The following MPRIP variants were observed in gnomAD, a reference collection of about 807,000 sequenced individuals.
MPRIP encodes the protein myosin phosphatase Rho-interacting protein.
MPRIP carries 59 observed loss-of-function variants against 234.9 expected under a neutral mutation model. The ratio of observed to expected loss-of-function variants is 0.25; its 90% CI spans 0.20 to 0.31. The LOEUF (loss-of-function observed/expected upper bound fraction) is 0.31, where lower values mean the gene tolerates loss of function less well. Among genes scored for constraint, MPRIP ranks in the 10% least tolerant of loss-of-function variants. The pLI, the probability that MPRIP is intolerant of heterozygous loss-of-function variation, is 1.00. For missense variants in MPRIP, 2,436 were observed against 3,071.0 expected (o/e 0.79, Z 4.89); for synonymous variants, 1,144 against 1,263.9 (o/e 0.91, Z 2.01).
chr17:17,117,079 C>T (rs951500038), intron 3 of MPRIP, among the ~76,000 whole-genome samples: 6 of 152,188 alleles, frequency 3.9e-5, no homozygotes, highest in Non-Finnish European at 7.3e-5. Flanking sequence ...TCCACTGAGC[C>T]CTGCCTCTCT....
At chr17:17,130,621 G>T (rs1466699654) in intron 4 of MPRIP, among the ~76,000 whole-genome samples, 1 of 152,078 alleles carries the variant, frequency 6.6e-6, no homozygotes, top group Non-Finnish European at 1.5e-5. Flanking sequence ...AGCAGGCCCA[G>T]CGTGGACCCT....
intron 3 of MPRIP, among the ~76,000 whole-genome samples, chr17:17,094,665 C>T (rs895719642): frequency 2.0e-5 from 3 of 149,872 alleles, no homozygotes; most frequent in African/African-American, 7.4e-5. Flanking sequence ...CACCCAGGTA[C>T]AGTAGCACAA....
At position 17,167,355 on chromosome 17, in the gene MPRIP, C is replaced by G; in HGVS notation, c.5764C>G (p.Gln1922Glu). 2.3e-6 allele frequency: 3 copies of G among 1,304,198 alleles called. No homozygotes were observed. The highest frequency in any genetic ancestry group is 3.0e-6 in the Non-Finnish European group (3 of 988,962). 80.8% of individuals were successfully genotyped at this position (1,304,198 alleles called of 1,614,324 possible). The change falls in exon 16 of 24, where the codon CAG becomes GAG. Residue 1922 changes from glutamine to glutamate, a missense_variant. By Grantham distance (29) the Gln-to-Glu change is conservative (BLOSUM62 2). Coordinates refer to ENST00000651222, the MANE Select transcript of MPRIP (RefSeq NM_001364716.4). The surrounding 1 kb of genome is among the most constrained non-coding windows in gnomAD (Gnocchi z 5.9). ...TGCAGAGCTCAAGGCCAAGGCCGCC[C>G]AGCTAGACCATCAGCAGCAGTGTCT... ...ENAELKAKAAQLDHQQQCLED... is the reference protein window; with the variant it reads ...ENAELKAKAAELDHQQQCLED...
At position 17,166,888 on chromosome 17, in the gene MPRIP, A is replaced by G. The variant is rs1767092861; in HGVS notation, c.5297A>G (p.Asp1766Gly). Reference sequence around the variant, plus strand: ...TCAGACAGCTCTCAGGAGCCCTTCGATGTGTCTGACCAGAGCCCTGGGGCC... The same window carrying G: ...TCAGACAGCTCTCAGGAGCCCTTCGGTGTGTCTGACCAGAGCCCTGGGGCC... ...RDSDSSQEPF[D>G]VSDQSPGAFV... The change falls in exon 16 of 24, where the codon GAT (aspartate) becomes GGT (glycine). Residue 1766 changes from aspartate (D) to glycine (G), a missense_variant. Coordinates refer to ENST00000651222, the MANE Select transcript of MPRIP (RefSeq NM_001364716.4). This position sits in a 1 kb window ranked among gnomAD's most constrained non-coding sequence, Gnocchi z 4.4. The G allele has an allele frequency of 1.5e-6, 2 of 1,304,142 alleles. No homozygotes were observed. Among genetic ancestry groups the G allele is most frequent in the African/African-American group, 1.5e-5 (1 of 65,976 alleles). 80.8% of individuals were successfully genotyped at this position (1,304,142 alleles called of 1,614,324 possible). A position where few individuals can be genotyped will look rare whatever the true frequency, so the allele number is the denominator to read the frequency against.
Position 17,164,590 on chromosome 17 carries a change from T to C in MPRIP, c.2999T>C (p.Leu1000Pro), listed in dbSNP as rs974782296. 2.5e-6 allele frequency: 3 copies of C among 1,211,842 alleles called. No individual in the cohort carries two copies. The African/African-American group carries it at 4.8e-5, about 19-fold the overall frequency. The allele number at this position is 1,211,842 out of a possible 1,614,324, so 75.1% of individuals were successfully genotyped here. The change falls in exon 16 of 24, where the codon CTC becomes CCC. Residue 1000 changes from leucine (L) to proline (P), a missense_variant. Transcript: ENST00000651222. ...AGGCTGCAGGAGCGCATTGCCGACC[T>C]CAGCCAGCAACTGGGCGCCAGTGAG... ...VQRLQERIAD[L>P]SQQLGASEQA... is the part of the protein sequence containing the mutation.
intron 3 of MPRIP, chr17:17,097,382 CTG>C (rs1453797721): frequency 1.3e-5 from 2 of 152,458 alleles, no homozygotes; most frequent in Non-Finnish European, 2.9e-5. Flanking sequence ...AATCCCAACA[CTG>C]TGGTAGGCCA....
chr17:17,177,445 G>C (rs895355898), intron 22 of MPRIP, 33 bp downstream of exon 22: 1 of 1,601,490 alleles, frequency 6.2e-7, no homozygotes, highest in Non-Finnish European at 8.5e-7. Context: ...CTCGGTTATT[G>C]CTGGGGGGCT....
At chr17:17,048,540 C>G (rs1406935764) in intron 1 of MPRIP, among the ~76,000 whole-genome samples, 1 of 152,084 alleles carries the variant, frequency 6.6e-6, no homozygotes, top group African/African-American at 2.4e-5. Flanking sequence ...TGTCAAAAAT[C>G]TCAGACACAC....
rs943303800 is a variant in MPRIP, at chr17:17,158,557, G to A, written c.1955G>A (p.Arg652Gln). 3.7e-6 allele frequency: 6 copies of A among 1,611,346 alleles called. No individual in the cohort carries two copies. Among genetic ancestry groups the A allele is most frequent in the Non-Finnish European group, 4.2e-6 (5 of 1,179,768 alleles). ...PEQKRSRARERRREGRSKTFD... is the reference protein window; with the variant it reads ...PEQKRSRAREQRREGRSKTFD... ...CAGAAGAGGAGCCGCGCACGGGAGC[G>A]GAGGCGAGAGGGCCGCTCCAAGACC... The change falls in exon 14 of 24, where the codon CGG becomes CAG. Residue 652 changes from arginine (R) to glutamine (Q), a missense_variant. Arg to Gln is a conservative substitution (Grantham distance 43). Coordinates refer to ENST00000651222, the MANE Select transcript of MPRIP (RefSeq NM_001364716.4).
At chr17:17,099,553 G>A (rs938842176) in intron 3 of MPRIP, among the ~76,000 whole-genome samples, 3 of 152,106 alleles carry the variant, frequency 2.0e-5, no homozygotes, top group African/African-American at 4.8e-5. Flanking sequence ...TAGCAAGACC[G>A]CTGTCTCTAC....
Position 17,113,503 on chromosome 17 carries a change from G to C in MPRIP, c.268-13199G>C, listed in dbSNP as rs183613913. On this transcript the variant is annotated intron_variant, in intron 3 of 23. Transcript: ENST00000651222. ...TTCCTTTTTATGGCTGAATTATATG[G>C]CAGTGTATATACATACTACATTTTG... 2.1e-3 allele frequency among the ~76,000 whole-genome samples: 320 copies of C among 152,268 alleles called. 4 individuals are homozygous for C. Among genetic ancestry groups the C allele is most frequent in the Admixed American group, 0.02 (304 of 15,300 alleles).
intron 3 of MPRIP, among the ~76,000 whole-genome samples, chr17:17,117,231 C>G (rs540222563): frequency 6.6e-6 from 1 of 152,240 alleles, no homozygotes; most frequent in African/African-American, 2.4e-5. Context: ...AAGCAGCAGG[C>G]GGCACGGGTG....
At chr17:17,161,482 C>A in intron 15 of MPRIP, 126 bp downstream of exon 15, 1 of 557,778 alleles carries the variant, frequency 1.8e-6, no homozygotes, top group Non-Finnish European at 3.1e-6. Context: ...GAGCTCATGC[C>A]CCTGGGCTTT....
intron 23 of MPRIP, chr17:17,180,474 C>A: frequency 1.2e-6 from 1 of 839,052 alleles, no homozygotes. Flanking sequence ...TCTTGTTCCC[C>A]AGCCAGGAAG....
rs1401836319 is a variant in MPRIP at position 17,143,088 on chromosome 17, A to T, written c.1389+323A>T. Among the ~76,000 whole-genome samples, 5 of 151,926 alleles carry T rather than the reference A, an allele frequency of 3.3e-5. 1 individual carries two copies. On this transcript the variant is annotated intron_variant, in intron 8 of 23. Transcript: ENST00000651222. ...TAACTCTTTCTTTCAGTACAACTAC[A>T]CCCCTCGTTTCTCCACTCAGCCCAA...
At chr17:17,107,646 C>T (rs1308859277) in intron 3 of MPRIP, among the ~76,000 whole-genome samples, 1 of 152,190 alleles carries the variant, frequency 6.6e-6, no homozygotes, top group Non-Finnish European at 1.5e-5. Context: ...TGGTCCTGCA[C>T]ATCCCCTGCT....
chr17:17,153,217 G>C (rs1215760700), intron 12 of MPRIP, among the ~76,000 whole-genome samples: 5 of 152,198 alleles, frequency 3.3e-5, no homozygotes, highest in Non-Finnish European at 7.3e-5. Context: ...TCCCAGCTGT[G>C]CTTTGTGGCA....
intron 4 of MPRIP, among the ~76,000 whole-genome samples, chr17:17,128,652 C>T (rs1434116444): frequency 6.6e-6 from 1 of 152,206 alleles, no homozygotes; most frequent in Non-Finnish European, 1.5e-5. Context: ...TCCCCTTCCC[C>T]TCGCCCTGGT....
chr17:17,085,510 A>G (rs1013118347), intron 3 of MPRIP, among the ~76,000 whole-genome samples: 2 of 152,198 alleles, frequency 1.3e-5, no homozygotes, highest in Admixed American at 6.5e-5. Flanking sequence ...ACGGAGTCTT[A>G]ATACAAGTTT....
Sources: gnomAD v4.1 joint callset for allele counts (sites outside exome capture counted in the v4.1 genomes callset) on GRCh38, gnomAD v4.1.1 for gene constraint, Gnocchi (gnomAD v3.1) non-coding constraint, MANE v1.5 for transcripts, NCBI Gene and HGNC (gene_info 2026-07-23, HGNC 2026-07-21) for gene names.